The following GRID2 variants were observed in gnomAD, a reference collection of about 807,000 sequenced individuals.
The protein encoded by GRID2 is glutamate ionotropic receptor delta type subunit 2, also known as glutamate receptor ionotropic, delta-2.
In GRID2, 33 loss-of-function variants were observed where a neutral mutation model predicts 114.8. The ratio of observed to expected loss-of-function variants is 0.29; its 90% CI spans 0.22 to 0.38. GRID2 has a LOEUF of 0.38. GRID2 is among the 10% of genes least tolerant of loss of function. The probability of loss-of-function intolerance (pLI) is 1.00; values close to 1 mark genes in which losing one functional copy is unlikely to be tolerated. For synonymous variants in GRID2, 505 were observed against 449.9 expected, an observed-to-expected ratio of 1.12 and a Z score of -1.55; for missense variants, 1,184 against 1,257.7, an observed-to-expected ratio of 0.94 and a Z score of 0.89.
intron 2 of GRID2, among the ~76,000 whole-genome samples, chr4:92,672,851 T>A (rs530405445): frequency 6.6e-6 from 1 of 152,218 alleles, no homozygotes; most frequent in African/African-American, 2.4e-5. Context: ...TTTGAACTAT[T>A]TTGAAATGTA....
At chr4:92,749,169 G>C (rs1737308805) in intron 2 of GRID2, among the ~76,000 whole-genome samples, 1 of 151,426 alleles carries the variant, frequency 6.6e-6, no homozygotes, top group Non-Finnish European at 1.5e-5. Flanking sequence ...AGGCCTAGCT[G>C]ATTTTTGTAT....
chr4:93,322,828 G>A lies in GRID2; in HGVS notation c.1246-72779G>A, dbSNP rs1757383465. On this transcript the variant is annotated intron_variant, in intron 8 of 15. Coordinates refer to ENST00000282020, the MANE Select transcript of GRID2 (RefSeq NM_001510.4). Reference sequence around the variant, plus strand: ...TGAGCATTTTTTCATGTGTTTTTTGGCTGCATAAATGTCTTCTTTTGAGAA... The same window carrying A: ...TGAGCATTTTTTCATGTGTTTTTTGACTGCATAAATGTCTTCTTTTGAGAA... 2.0e-5 allele frequency among the ~76,000 whole-genome samples: 3 copies of A among 152,034 alleles called. No individual in the cohort carries two copies. The South Asian group carries it at 6.2e-4, about 32-fold the overall frequency.
intron 8 of GRID2, among the ~76,000 whole-genome samples, chr4:93,280,176 T>A (rs72872796): frequency 6.6e-6 from 1 of 151,892 alleles, no homozygotes; most frequent in Admixed American, 6.6e-5. Flanking sequence ...CAAAACAATA[T>A]GGAAATTTAG....
intron 7 of GRID2, among the ~76,000 whole-genome samples, chr4:93,231,390 C>CAAAAAAA (rs34267723): frequency 9.6e-6 from 1 of 104,510 alleles, no homozygotes; most frequent in Non-Finnish European, 1.9e-5. Context: ...CACCCCCTGC[C>CAAAAAAA]AAAAAAAAAA....
At chr4:93,473,225 T>C (rs1017521515) in intron 11 of GRID2, among the ~76,000 whole-genome samples, 4 of 152,162 alleles carry the variant, frequency 2.6e-5, no homozygotes, top group Non-Finnish European at 4.4e-5. Flanking sequence ...AAAATCATTC[T>C]AGTGGTTCAA....
chr4:92,957,554 C>A (rs928831668), intron 2 of GRID2, among the ~76,000 whole-genome samples: 1 of 151,968 alleles, frequency 6.6e-6, no homozygotes, highest in African/African-American at 2.4e-5. Context: ...ACCACTGTAG[C>A]TTTATAACAA....
intron 8 of GRID2, among the ~76,000 whole-genome samples, chr4:93,312,530 T>C (rs561541951): frequency 6.6e-6 from 1 of 152,282 alleles, no homozygotes; most frequent in South Asian, 2.1e-4. Context: ...GTTTGATTAA[T>C]TGTAAATGCG....
chr4:92,581,198 C>CG (rs1210379933), intron 1 of GRID2, among the ~76,000 whole-genome samples: 1 of 137,876 alleles, frequency 7.3e-6, no homozygotes, highest in Admixed American at 7.4e-5. Context: ...TCCCCCCACC[C>CG]TTTTTTTTTT....
chr4:92,706,342 T>A (rs868513260), intron 2 of GRID2, among the ~76,000 whole-genome samples: 63 of 152,310 alleles, frequency 4.1e-4, no homozygotes, highest in African/African-American at 1.4e-3. Context: ...TTTTTAAAGT[T>A]TTTTATTTAA....
At chr4:93,659,545 C>A (rs1043773474) in intron 14 of GRID2, among the ~76,000 whole-genome samples, 4 of 152,090 alleles carry the variant, frequency 2.6e-5, no homozygotes, top group Admixed American at 2.6e-4. Flanking sequence ...TGATAGATGT[C>A]AGGTCTTAAG....
chr4:92,662,417 A>T (rs1035120502), intron 2 of GRID2, among the ~76,000 whole-genome samples: 2 of 151,006 alleles, frequency 1.3e-5, no homozygotes, highest in African/African-American at 4.8e-5. Flanking sequence ...GGCTGAAGAC[A>T]ATAAGAAAAA....
intron 9 of GRID2, among the ~76,000 whole-genome samples, chr4:93,420,639 A>G (rs753378540): frequency 2.6e-5 from 4 of 152,124 alleles, no homozygotes; most frequent in African/African-American, 4.8e-5. Context: ...ATGATCTTCA[A>G]TATTCATTAA....
At chr4:92,796,902 T>C (rs886728746) in intron 2 of GRID2, among the ~76,000 whole-genome samples, 55 of 152,082 alleles carry the variant, frequency 3.6e-4, no homozygotes, top group African/African-American at 1.2e-3. Flanking sequence ...TCTGCACCCA[T>C]GTAAAAGCTA....
At chr4:92,466,514 C>CCATA (rs1348322135) in intron 1 of GRID2, among the ~76,000 whole-genome samples, 1 of 151,484 alleles carries the variant, frequency 6.6e-6, no homozygotes, top group Non-Finnish European at 1.5e-5. Flanking sequence ...CTCATGTACC[C>CCATA]CATACATACA....
At chr4:93,288,734 C>A (rs907693056) in intron 8 of GRID2, among the ~76,000 whole-genome samples, 1 of 152,138 alleles carries the variant, frequency 6.6e-6, no homozygotes, top group Non-Finnish European at 1.5e-5. Context: ...ATATTTCTAA[C>A]ATATTCTTGT....
chr4:93,636,444 TACAC>T (rs1721420460), intron 14 of GRID2, among the ~76,000 whole-genome samples: 1 of 151,778 alleles, frequency 6.6e-6, no homozygotes, highest in African/African-American at 2.4e-5. Flanking sequence ...TGCGCACACA[TACAC>T]ACGCACACAC....
chr4:93,412,857 T>C (rs1364880175), intron 9 of GRID2, among the ~76,000 whole-genome samples: 1 of 152,210 alleles, frequency 6.6e-6, no homozygotes, highest in Non-Finnish European at 1.5e-5. Context: ...TTTGGTTGTC[T>C]GTTCATTTGT....
At chr4:92,975,438 A>G (rs980502643) in intron 2 of GRID2, among the ~76,000 whole-genome samples, 3 of 152,074 alleles carry the variant, frequency 2.0e-5, no homozygotes, top group Non-Finnish European at 4.4e-5. Context: ...TTCCTAACCT[A>G]TAATGGCCAC....
chr4:93,065,927 A>C lies in GRID2; in HGVS notation c.245-19068A>C, dbSNP rs151057045. ...AATGGCTAACATTTACTGAGTGTTCACTATGTATCAGTCACTGCTCTAAGA... is the reference window on the plus strand; with the variant it reads ...AATGGCTAACATTTACTGAGTGTTCCCTATGTATCAGTCACTGCTCTAAGA... On this transcript the variant is annotated intron_variant, in intron 2 of 15. Transcript: ENST00000282020. Among the ~76,000 whole-genome samples, 130 of 152,038 alleles carry C rather than the reference A, an allele frequency of 8.6e-4. No homozygotes were observed. In the East Asian group the frequency reaches 0.022, roughly 26 times the overall value.
Sources: gnomAD v4.1 joint callset for allele counts (sites outside exome capture counted in the v4.1 genomes callset) on GRCh38, gnomAD v4.1.1 for gene constraint, MANE v1.5 for transcripts, NCBI Gene and HGNC (gene_info 2026-07-23, HGNC 2026-07-21) for gene names.